Variants in CNTN1 observed in about 807,000 individuals in gnomAD.
CNTN1 encodes contactin-1.
CNTN1 carries 38 observed loss-of-function variants against 126.4 expected under a neutral mutation model. That is an observed-to-expected ratio of 0.30 (90% CI 0.23 to 0.39). The LOEUF is 0.39. Ranked by LOEUF, CNTN1 falls within the 10% of genes least tolerant of loss-of-function variation. The pLI is 1.00. For missense variants in CNTN1, 1,009 were observed against 1,248.4 expected, an observed-to-expected ratio of 0.81 and a Z score of 2.89; for synonymous variants, 413 against 422.6, an observed-to-expected ratio of 0.98 and a Z score of 0.28.
At chr12:40,927,391 A>G (rs933187878) in intron 6 of CNTN1, among the ~76,000 whole-genome samples, 1 of 152,044 alleles carries the variant, frequency 6.6e-6, no homozygotes, top group Non-Finnish European at 1.5e-5. Flanking sequence ...CGTAAGTCGG[A>G]GAGTCAGCGT....
chr12:40,752,416 A>T (rs1938438519), intron 1 of CNTN1, among the ~76,000 whole-genome samples: 1 of 152,086 alleles, frequency 6.6e-6, no homozygotes, highest in South Asian at 2.1e-4. Flanking sequence ...ACCCTTAATG[A>T]ATGTCGATTA....
chr12:40,857,177 T>C (rs1469116507), intron 1 of CNTN1, among the ~76,000 whole-genome samples: 2 of 152,092 alleles, frequency 1.3e-5, no homozygotes, highest in Admixed American at 6.6e-5. Context: ...TTTGTCTAGA[T>C]GCTGGGGAAT....
intron 17 of CNTN1, among the ~76,000 whole-genome samples, chr12:41,000,128 G>GAGAT (rs1401266030): frequency 6.6e-6 from 1 of 152,132 alleles, no homozygotes; most frequent in African/African-American, 2.4e-5. Flanking sequence ...AAAATGGAAA[G>GAGAT]AGATATTCAA....
At chr12:40,841,094 T>A (rs1231929007) in intron 1 of CNTN1, among the ~76,000 whole-genome samples, 1 of 151,418 alleles carries the variant, frequency 6.6e-6, no homozygotes, top group Non-Finnish European at 1.5e-5. Flanking sequence ...ATAAACAAAC[T>A]AAGAAATAAA....
At chr12:40,771,047 T>C (rs1052602484) in intron 1 of CNTN1, among the ~76,000 whole-genome samples, 8 of 152,062 alleles carry the variant, frequency 5.3e-5, no homozygotes, top group Non-Finnish European at 7.4e-5. Context: ...TTTTCATTTG[T>C]TCATAATTAT....
At chr12:41,016,479 G>C (rs981069875) in intron 18 of CNTN1, among the ~76,000 whole-genome samples, 5 of 152,136 alleles carry the variant, frequency 3.3e-5, no homozygotes, top group Admixed American at 3.3e-4. Context: ...AGGTGTTCTA[G>C]GAGTAGTGAG....
At chr12:40,823,702 C>T (rs1941521987) in intron 1 of CNTN1, among the ~76,000 whole-genome samples, 1 of 152,102 alleles carries the variant, frequency 6.6e-6, no homozygotes, top group Non-Finnish European at 1.5e-5. Flanking sequence ...CTTTCAAACC[C>T]TGAGTTATTT....
intron 1 of CNTN1, among the ~76,000 whole-genome samples, chr12:40,771,832 A>G (rs1592069208): frequency 6.6e-6 from 1 of 152,132 alleles, no homozygotes; most frequent in East Asian, 1.9e-4. Context: ...ATTTTATATG[A>G]TTTTTAATTT....
chr12:40,773,684 T>TACAC (rs1939454770), intron 1 of CNTN1, among the ~76,000 whole-genome samples: 1 of 8,640 alleles, frequency 1.2e-4, no homozygotes, highest in African/African-American at 3.1e-4. Flanking sequence ...CACATATATA[T>TACAC]ATATATATAC....
chr12:40,953,583 C>A (rs1299458974), intron 14 of CNTN1, among the ~76,000 whole-genome samples: 4 of 152,084 alleles, frequency 2.6e-5, no homozygotes, highest in African/African-American at 9.7e-5. Flanking sequence ...TGAGAATAAA[C>A]ATTACAGTTG....
chr12:40,915,403 G>A (rs1945193210), intron 3 of CNTN1, among the ~76,000 whole-genome samples: 1 of 152,080 alleles, frequency 6.6e-6, no homozygotes, highest in Non-Finnish European at 1.5e-5. Context: ...ACTTCTAGAA[G>A]CCACTTTAGA....
At chr12:40,755,625 C>A (rs758100055) in intron 1 of CNTN1, among the ~76,000 whole-genome samples, 16 of 152,016 alleles carry the variant, frequency 1.1e-4, no homozygotes, top group Non-Finnish European at 2.2e-4. Flanking sequence ...GCAGAGGATA[C>A]CTTGAGCCTA....
intron 9 of CNTN1, among the ~76,000 whole-genome samples, chr12:40,935,030 A>C (rs1017469106): frequency 4.6e-5 from 7 of 151,958 alleles, no homozygotes; most frequent in Non-Finnish European, 1.0e-4. Context: ...TGGTGTGATC[A>C]GGGTTCCATC....
intron 1 of CNTN1, among the ~76,000 whole-genome samples, chr12:40,776,647 TA>T (rs1565720155): frequency 6.6e-6 from 1 of 151,780 alleles, no homozygotes; most frequent in African/African-American, 2.4e-5. Flanking sequence ...TTCTGACTTC[TA>T]AGTTTTAGAC....
chr12:40,767,585 G>T lies in CNTN1; in HGVS notation c.-77+74993G>T, dbSNP rs977519070. 2.7e-5 allele frequency among the ~76,000 whole-genome samples: 4 copies of T among 150,928 alleles called. No homozygotes were observed. In the Admixed American group the frequency reaches 2.7e-4, roughly 10 times the overall value. ...GGCCTCCCAAAGTGCTGGGATTACA[G>T]GCATGAGCCACGGCTCCTGGCCCTT... On this transcript the variant is annotated intron_variant, in intron 1 of 23. Transcript: ENST00000551295.
At chr12:41,001,522 C>A (rs942160702) in intron 17 of CNTN1, among the ~76,000 whole-genome samples, 4 of 152,106 alleles carry the variant, frequency 2.6e-5, no homozygotes, top group African/African-American at 9.7e-5. Flanking sequence ...GATTAGTTTG[C>A]AAAATTTTTT....
chr12:40,748,316 T>C (rs1038645810), intron 1 of CNTN1, among the ~76,000 whole-genome samples: 8 of 152,116 alleles, frequency 5.3e-5, no homozygotes, highest in Non-Finnish European at 8.8e-5. Flanking sequence ...CATTAATCCC[T>C]GCAACAAACT....
chr12:40,909,398 T>C (rs1035407398), intron 2 of CNTN1, among the ~76,000 whole-genome samples: 13 of 151,882 alleles, frequency 8.6e-5, no homozygotes, highest in East Asian at 3.9e-4. Flanking sequence ...ATTAGAAAAA[T>C]TGAATTCTAA....
chr12:41,030,606 T>C (rs1423455350), intron 23 of CNTN1, among the ~76,000 whole-genome samples: 1 of 152,150 alleles, frequency 6.6e-6, no homozygotes, highest in African/African-American at 2.4e-5. Flanking sequence ...TAAATGATAT[T>C]CTTTCAAACA....
Sources: allele counts gnomAD v4.1 joint callset (sites outside exome capture counted in the v4.1 genomes callset), GRCh38; gene constraint gnomAD v4.1.1; transcripts MANE v1.5; gene names NCBI Gene and HGNC (gene_info 2026-07-23, HGNC 2026-07-21).